Variants in IL16 observed in about 807,000 individuals in gnomAD.
The protein encoded by IL16 is interleukin 16.
In IL16, 67 loss-of-function variants were observed where a neutral mutation model predicts 110.1. The observed-to-expected ratio is 0.61, with a 90% CI of 0.50 to 0.75. The LOEUF is 0.75. Ranked by LOEUF, IL16 falls within the 30% of genes least tolerant of loss-of-function variation. The pLI is 0.00. For synonymous variants in IL16, 689 were observed against 662.9 expected, an observed-to-expected ratio of 1.04 and a Z score of -0.61; for missense variants, 1,545 against 1,655.0, an observed-to-expected ratio of 0.93 and a Z score of 1.15.
At chr15:81,258,769 C>CTA (rs201558293) in intron 2 of IL16, among the ~76,000 whole-genome samples, 7,119 of 147,818 alleles carry the variant, frequency 0.048, 204 homozygotes, top group Non-Finnish European at 0.069. Flanking sequence ...CTCTCTCTCT[C>CTA]TCTCTATATA....
At chr15:81,292,331 A>C in intron 11 of IL16, 1 of 624,436 alleles carries the variant, frequency 1.6e-6, no homozygotes, top group Non-Finnish European at 2.9e-6. Context: ...CTCCATATAC[A>C]TCAGTCATAG....
chr15:81,265,250 G>A (rs913111063), intron 3 of IL16, among the ~76,000 whole-genome samples: 1 of 152,112 alleles, frequency 6.6e-6, no homozygotes, highest in South Asian at 2.1e-4. Context: ...ACTGGGTCTC[G>A]CCTGTTTGTG....
chr15:81,277,314 G>A (rs554144703), intron 6 of IL16, among the ~76,000 whole-genome samples: 2 of 152,144 alleles, frequency 1.3e-5, no homozygotes, highest in African/African-American at 2.4e-5. Flanking sequence ...AAAGATAGTG[G>A]CTTATAATTT....
At chr15:81,274,719 A>T (rs752273283) in intron 6 of IL16, among the ~76,000 whole-genome samples, 14 of 152,240 alleles carry the variant, frequency 9.2e-5, no homozygotes, top group Non-Finnish European at 1.3e-4. Flanking sequence ...ATAGAAATGG[A>T]TTTTATGTTA....
intron 1 of IL16, among the ~76,000 whole-genome samples, chr15:81,191,094 G>A (rs888202740): frequency 3.9e-5 from 6 of 152,214 alleles, no homozygotes; most frequent in African/African-American, 1.4e-4. Context: ...AGCAAGTGCT[G>A]CACAAATGCT....
chr15:81,254,546 G>T (rs1316039323), intron 2 of IL16, among the ~76,000 whole-genome samples: 1 of 152,204 alleles, frequency 6.6e-6, no homozygotes, highest in Non-Finnish European at 1.5e-5. Flanking sequence ...GGGACTGGCA[G>T]ATGGAGAGAC....
At chr15:81,193,839 C>T (rs1895537636), upstream of IL16, among the ~76,000 whole-genome samples, 1 of 152,114 alleles carries the variant, frequency 6.6e-6, no homozygotes, top group Non-Finnish European at 1.5e-5. Context: ...AACATTCTGT[C>T]TAAGTTGAAA....
At chr15:81,225,882 G>T (rs535873111) in intron 2 of IL16, among the ~76,000 whole-genome samples, 171 bp downstream of exon 2, 3 of 152,190 alleles carry the variant, frequency 2.0e-5, no homozygotes, top group Non-Finnish European at 4.4e-5. Flanking sequence ...CAATGAGTAT[G>T]GGAGTGAATC....
chr15:81,298,277 C>A (rs569847147), intron 13 of IL16, among the ~76,000 whole-genome samples: 5 of 152,320 alleles, frequency 3.3e-5, no homozygotes, highest in African/African-American at 1.2e-4. Context: ...TCTTTTGAAA[C>A]CTGGCATTGA....
At chr15:81,261,810 T>C (rs1596005438) in intron 3 of IL16, among the ~76,000 whole-genome samples, 1 of 152,200 alleles carries the variant, frequency 6.6e-6, no homozygotes, top group Non-Finnish European at 1.5e-5. Flanking sequence ...AGCTTCTGCC[T>C]GTCATTCTAG....
chr15:81,273,496 G>A (rs909041431), intron 6 of IL16, among the ~76,000 whole-genome samples: 21 of 152,048 alleles, frequency 1.4e-4, no homozygotes, highest in African/African-American at 5.1e-4. Context: ...GTCTGTTTCT[G>A]ACCCTTCCCT....
At chr15:81,207,069 T>TAA (rs11464726) in intron 1 of IL16, among the ~76,000 whole-genome samples, 1 of 151,138 alleles carries the variant, frequency 6.6e-6, no homozygotes, top group African/African-American at 2.4e-5. Flanking sequence ...CCGTCTCTAC[T>TAA]AAAAAAACCA....
At chr15:81,231,042 A>G (rs1362065998) in intron 2 of IL16, among the ~76,000 whole-genome samples, 4 of 152,044 alleles carry the variant, frequency 2.6e-5, no homozygotes, top group South Asian at 2.1e-4. Flanking sequence ...CAGATTCACA[A>G]ATAAATCATT....
At chr15:81,204,928 A>G (rs980495483) in intron 1 of IL16, among the ~76,000 whole-genome samples, 1 of 150,220 alleles carries the variant, frequency 6.7e-6, no homozygotes, top group Admixed American at 6.7e-5. Context: ...GCAGACCATG[A>G]TGATAAAAAA....
chr15:81,279,590 G>A lies in IL16; in HGVS notation c.897G>A (p.Val299=). The A allele has an allele frequency of 1.2e-6, 2 of 1,613,762 alleles. No individual in the cohort carries two copies. The highest frequency in any genetic ancestry group is 1.1e-5 in the South Asian group (1 of 91,084). ...QAKKGLLTLT[V]RTRLTAPPSL... ...AAAAGGGGCTCCTCACCCTCACCGTGAGAACCCGCCTGACGGCGCCTCCTT... is the reference window on the plus strand; with the variant it reads ...AAAAGGGGCTCCTCACCCTCACCGTAAGAACCCGCCTGACGGCGCCTCCTT... Residue 299 remains valine, a synonymous_variant, in exon 8 of 19, where the codon GTG becomes GTA. Transcript: ENST00000683961.
At chr15:81,231,596 C>G (rs963591779) in intron 2 of IL16, among the ~76,000 whole-genome samples, 1 of 152,134 alleles carries the variant, frequency 6.6e-6, no homozygotes, top group Non-Finnish European at 1.5e-5. Context: ...TGTTCTCAAA[C>G]TTGTGCATTC....
rs1462530132 is a variant in IL16, at chr15:81,278,718, CA to C, written c.791-94del. On this transcript the variant is annotated intron_variant, in intron 6 of 18. Coordinates refer to ENST00000683961, the MANE Select transcript of IL16 (RefSeq NM_172217.5). ...TTCTTCCAGAGCTTCGTGCATCATA[CA>C]AAAAGCCGGGCAGTTGGGGAGACTA... 23 of 831,296 alleles carry C rather than the reference CA, an allele frequency of 2.8e-5. No homozygotes were observed. In the East Asian group the frequency reaches 4.7e-4, roughly 17 times the overall value. The allele number at this position is 831,296 out of a possible 1,614,324, so 51.5% of individuals were successfully genotyped here.
chr15:81,198,126 C>A (rs968848421), intron 1 of IL16, among the ~76,000 whole-genome samples: 1 of 152,176 alleles, frequency 6.6e-6, no homozygotes, highest in African/African-American at 2.4e-5. Context: ...TGGGCATGAG[C>A]CGTCAGGTGG....
chr15:81,192,388 G>A (rs186371186), upstream of IL16, among the ~76,000 whole-genome samples: 2,349 of 152,122 alleles, frequency 0.015, 38 homozygotes, highest in Middle Eastern at 0.051. Context: ...ACTGCTTGAG[G>A]CCAGGAGTTC....
Sources: allele counts gnomAD v4.1 joint callset (sites outside exome capture counted in the v4.1 genomes callset), GRCh38; gene constraint gnomAD v4.1.1; transcripts MANE v1.5; gene names NCBI Gene and HGNC (gene_info 2026-07-23, HGNC 2026-07-21).